The following DCHS2 variants were observed in gnomAD, a reference collection of about 807,000 sequenced individuals.
The protein encoded by DCHS2 is protocadherin-23.
A neutral mutation model predicts 182.4 loss-of-function variants in DCHS2; 142 were observed. The ratio of observed to expected loss-of-function variants is 0.78; its 90% CI spans 0.68 to 0.89. The LOEUF (loss-of-function observed/expected upper bound fraction) is 0.89, where lower values mean the gene tolerates loss of function less well. Among genes scored for constraint, DCHS2 ranks in the 40% least tolerant of loss-of-function variants. The pLI, the probability that DCHS2 is intolerant of heterozygous loss-of-function variation, is 0.00. For missense variants in DCHS2, 4,319 were observed against 4,198.6 expected (o/e 1.03, Z -0.79); for synonymous variants, 1,740 against 1,663.3 (o/e 1.05, Z -1.12).
chr4:154,403,504 G>A (rs79410835), intron 1 of DCHS2, among the ~76,000 whole-genome samples: 4,997 of 152,046 alleles, frequency 0.033, 112 homozygotes, highest in Non-Finnish European at 0.05. Context: ...AACTCCGCCT[G>A]GTTTTATGAT....
intron 1 of DCHS2, among the ~76,000 whole-genome samples, chr4:154,485,110 TTTTAAATGAAC>T (rs920197044): frequency 3.6e-4 from 16 of 44,768 alleles, no homozygotes; most frequent in Non-Finnish European, 1.1e-3. Context: ...GAGCTTTTTT[TTTTAAATGAAC>T]TTCTGGGAAT....
intron 16 of DCHS2, among the ~76,000 whole-genome samples, chr4:154,252,156 A>AATCTT (rs1446915798): frequency 7.2e-4 from 110 of 152,180 alleles, no homozygotes; most frequent in African/African-American, 2.6e-3. Flanking sequence ...TATAATAGGA[A>AATCTT]ATCTTTTCTT....
chr4:154,437,396 A>G (rs1449092480), intron 1 of DCHS2, among the ~76,000 whole-genome samples: 1 of 152,238 alleles, frequency 6.6e-6, no homozygotes, highest in Non-Finnish European at 1.5e-5. Context: ...AAGGGAAGGC[A>G]GCGACTACTG....
At chr4:154,419,650 C>CAA (rs70947164) in intron 1 of DCHS2, among the ~76,000 whole-genome samples, 705 of 44,592 alleles carry the variant, frequency 0.016, 12 homozygotes, top group East Asian at 0.037. Flanking sequence ...AACTCCATCT[C>CAA]AAAAAAAAAA....
intron 1 of DCHS2, among the ~76,000 whole-genome samples, chr4:154,419,002 G>A (rs1461085811): frequency 6.6e-6 from 1 of 152,230 alleles, no homozygotes. Context: ...CTATATGCAT[G>A]TGTATGTGTG....
At chr4:154,370,596 T>C (rs557635976) in intron 2 of DCHS2, among the ~76,000 whole-genome samples, 1 of 152,286 alleles carries the variant, frequency 6.6e-6, no homozygotes, top group Admixed American at 6.5e-5. Flanking sequence ...CTGGAATGGA[T>C]GGGACCCTAA....
intron 10 of DCHS2, among the ~76,000 whole-genome samples, chr4:154,313,775 A>G (rs1735754916): frequency 6.6e-6 from 1 of 152,234 alleles, no homozygotes; most frequent in South Asian, 2.1e-4. Context: ...AATTGTCTCC[A>G]AAATATGTAA....
intron 1 of DCHS2, among the ~76,000 whole-genome samples, chr4:154,478,517 T>C (rs575376042): frequency 6.6e-6 from 1 of 152,160 alleles, no homozygotes; most frequent in East Asian, 1.9e-4. Flanking sequence ...GAACCTGAGG[T>C]TGGGTAGCAG....
intron 5 of DCHS2, among the ~76,000 whole-genome samples, chr4:154,331,287 A>G (rs1278427138): frequency 1.3e-5 from 2 of 152,212 alleles, no homozygotes; most frequent in Admixed American, 1.3e-4. Context: ...ACTTGCTTAA[A>G]GCCATACAAT....
At position 154,298,288 on chromosome 4, in the gene DCHS2, G is replaced by A; in HGVS notation, c.6026C>T (p.Ala2009Val). The A allele has an allele frequency of 6.2e-7, 1 of 1,614,130 alleles. No individual in the cohort carries two copies. The highest frequency in any genetic ancestry group is 1.1e-5 in the South Asian group (1 of 91,076). The change falls in exon 13 of 20, where the codon GCC becomes GTC. Residue 2009 changes from alanine (A) to valine (V), a missense_variant. Physicochemically the swap from Ala to Val is moderately conservative, Grantham distance 64. Transcript: ENST00000357232. ...TGAACCCTGGATGCTACAGTCTCTG[G>A]CCACAGCACTAAATGTATGCTGAGA... Reference protein sequence around the residue: ...ARSQHTFSAVARDCSIQGSRS... With the variant: ...ARSQHTFSAVVRDCSIQGSRS...
chr4:154,324,717 T>A (rs1259807634), intron 7 of DCHS2, among the ~76,000 whole-genome samples: 1 of 152,162 alleles, frequency 6.6e-6, no homozygotes, highest in Non-Finnish European at 1.5e-5. Context: ...ACCTTATCAG[T>A]TTTTAGGGAC....
At chr4:154,311,395 CA>C (rs1417852221) in intron 10 of DCHS2, among the ~76,000 whole-genome samples, 11 of 143,128 alleles carry the variant, frequency 7.7e-5, no homozygotes, top group Admixed American at 2.8e-4. Context: ...CCATACCCAA[CA>C]AATTTTTATA....
intron 7 of DCHS2, chr4:154,322,935 A>G (rs1203081573): frequency 5.7e-6 from 2 of 348,528 alleles, no homozygotes; most frequent in East Asian, 5.0e-5. Context: ...AATGGTTCAC[A>G]GTATCACCAA....
At chr4:154,410,470 CAAAAAAA>C (rs61280673) in intron 1 of DCHS2, among the ~76,000 whole-genome samples, 1 of 70,356 alleles carries the variant, frequency 1.4e-5, no homozygotes, top group African/African-American at 5.2e-5. Context: ...ACCCAGAGGG[CAAAAAAA>C]AAAAAAAAAG....
intron 9 of DCHS2, among the ~76,000 whole-genome samples, chr4:154,318,367 G>A (rs1735936180): frequency 6.6e-6 from 1 of 151,838 alleles, no homozygotes; most frequent in Admixed American, 6.6e-5. Flanking sequence ...CGATGAGAGG[G>A]TTTAATTGAA....
chr4:154,370,650 A>T (rs540724325), intron 2 of DCHS2, among the ~76,000 whole-genome samples: 1 of 152,306 alleles, frequency 6.6e-6, no homozygotes, highest in African/African-American at 2.4e-5. Flanking sequence ...GACATCTCTA[A>T]AAAGATAATA....
At chr4:154,423,978 C>G (rs1394101104) in intron 1 of DCHS2, among the ~76,000 whole-genome samples, 1 of 152,156 alleles carries the variant, frequency 6.6e-6, no homozygotes, top group Non-Finnish European at 1.5e-5. Context: ...CTTCTTCAAG[C>G]CTGCTGGCAT....
chr4:154,333,385 C>A lies in DCHS2; in HGVS notation c.2823G>T (p.Glu941Asp). Residue 941 changes from glutamate (E) to aspartate (D), a missense_variant, in exon 5 of 20, where the codon GAG (glutamate) becomes GAT (aspartate). Transcript: ENST00000357232. Reference sequence around the variant, plus strand: ...CCGTGAGCACAACCACGGGCTGCGTCTCGTGATCCAGGGGCTTCCGGGTGC... The same window carrying A: ...CCGTGAGCACAACCACGGGCTGCGTATCGTGATCCAGGGGCTTCCGGGTGC... ...TIRTRKPLDH[E>D]TQPVVVLTVQ... 1 of 1,614,164 alleles carries A rather than the reference C, an allele frequency of 6.2e-7. No individual in the cohort carries two copies. The highest frequency in any genetic ancestry group is 8.5e-7 in the Non-Finnish European group (1 of 1,180,042).
chr4:154,311,160 C>A (rs1204564335), intron 10 of DCHS2, among the ~76,000 whole-genome samples: 1 of 152,180 alleles, frequency 6.6e-6, no homozygotes, highest in African/African-American at 2.4e-5. Context: ...TTTTATCCTC[C>A]TCTTCCTCAA....
Sources: allele counts gnomAD v4.1 joint callset (sites outside exome capture counted in the v4.1 genomes callset), GRCh38; gene constraint gnomAD v4.1.1; transcripts MANE v1.5; gene names NCBI Gene and HGNC (gene_info 2026-07-23, HGNC 2026-07-21).